Variants in STK35 observed in about 807,000 individuals in gnomAD.
The protein encoded by STK35 is serine/threonine-protein kinase 35.
STK35 carries 17 observed loss-of-function variants against 37.3 expected under a neutral mutation model. The ratio of observed to expected loss-of-function variants is 0.46; its 90% CI spans 0.31 to 0.68. The LOEUF (loss-of-function observed/expected upper bound fraction) is 0.68. Among genes scored for constraint, STK35 ranks in the 30% least tolerant of loss-of-function variants. The pLI is 0.05. For synonymous variants in STK35, 385 were observed against 319.1 expected, an observed-to-expected ratio of 1.21 and a Z score of -2.20; for missense variants, 595 against 746.7, an observed-to-expected ratio of 0.80 and a Z score of 2.37.
chr20:2,102,282 G>A (rs1985408265), intron 1 of STK35, 107 bp downstream of exon 1: 3 of 1,346,364 alleles, frequency 2.2e-6, no homozygotes, highest in African/African-American at 1.5e-5. Context: ...CGCACTCCGA[G>A]AAGCCGAACT....
intron 2 of STK35, among the ~76,000 whole-genome samples, chr20:2,104,890 C>T (rs547847268): frequency 6.6e-6 from 1 of 152,150 alleles, no homozygotes; most frequent in African/African-American, 2.4e-5. Flanking sequence ...CAATGGCTCA[C>T]GACTGTAATC....
intron 3 of STK35, among the ~76,000 whole-genome samples, chr20:2,127,337 C>T (rs748330228): frequency 6.6e-6 from 1 of 151,664 alleles, no homozygotes; most frequent in Non-Finnish European, 1.5e-5. Context: ...AAATCTAAGG[C>T]ATGGAGTTGG....
At chr20:2,119,896 A>G (rs1184309695) in intron 3 of STK35, among the ~76,000 whole-genome samples, 2 of 152,126 alleles carry the variant, frequency 1.3e-5, no homozygotes, top group African/African-American at 2.4e-5. Flanking sequence ...TAGTGTTCTC[A>G]GTGAATGTAT....
At chr20:2,105,539 T>A (rs1459209061) in intron 2 of STK35, among the ~76,000 whole-genome samples, 5 of 152,218 alleles carry the variant, frequency 3.3e-5, no homozygotes, top group Non-Finnish European at 7.3e-5. Context: ...ACCCTCTGGC[T>A]CATCCCAGGA....
rs1986252334 is a variant in STK35, at chr20:2,145,738, T to G, written c.*1992T>G. The G allele has an allele frequency of 6.6e-6, 1 of 152,106 alleles. No individual in the cohort carries two copies. Among genetic ancestry groups the G allele is most frequent in the African/African-American group, 2.4e-5 (1 of 41,370 alleles). The allele number at this position is 152,106 out of a possible 1,614,324, so 9.4% of individuals were successfully genotyped here. On this transcript the variant is annotated 3_prime_UTR_variant, in exon 4 of 4. Coordinates refer to ENST00000381482, the MANE Select transcript of STK35 (RefSeq NM_080836.4). ...GGGTGGGAACAGCAGCATCCCCTAA[T>G]TGCAGTACACGGTTCCTTTTCCGCC...
rs1171541550 is a variant in STK35, at chr20:2,146,548, A to G, written c.*2802A>G. 6.5e-6 allele frequency: 1 copy of G among 152,742 alleles called. No homozygotes were observed. The highest frequency in any genetic ancestry group is 1.5e-5 in the Non-Finnish European group (1 of 68,116). 9.5% of individuals were successfully genotyped at this position (152,742 alleles called of 1,614,324 possible). On this transcript the variant is annotated 3_prime_UTR_variant, in exon 4 of 4. Transcript: ENST00000381482. ...TGAACTTGGTTTTCCCGTCAGAAGA[A>G]TCAGCAGGACAGATCGTAGTGCCTT...
intron 3 of STK35, among the ~76,000 whole-genome samples, chr20:2,127,857 A>G (rs1250440638): frequency 6.6e-6 from 1 of 152,182 alleles, no homozygotes; most frequent in African/African-American, 2.4e-5. Flanking sequence ...TCTTGAGCCT[A>G]ATTATATGAA....
At chr20:2,142,602 A>G (rs1986190416) in intron 3 of STK35, among the ~76,000 whole-genome samples, 1 of 152,222 alleles carries the variant, frequency 6.6e-6, no homozygotes, top group African/African-American at 2.4e-5. Flanking sequence ...CTAAAAATAT[A>G]AAAATTAGCC....
intron 3 of STK35, among the ~76,000 whole-genome samples, chr20:2,125,081 C>T (rs528224781): frequency 5.1e-4 from 77 of 152,314 alleles, no homozygotes; most frequent in Non-Finnish European, 8.1e-4. Flanking sequence ...AGTTGCTGCT[C>T]ACATGTTCCT....
chr20:2,116,683 T>G lies in STK35; in HGVS notation c.910T>G (p.Tyr304Asp). 6.2e-7 allele frequency: 1 copy of G among 1,613,750 alleles called. No homozygotes were observed. The highest frequency in any genetic ancestry group is 8.5e-7 in the Non-Finnish European group (1 of 1,179,666). ...TGATTTAGGAGAAAGGATCCTGGGT[T>G]ATGCTGAGGAGCCCTGCTATCTCTG... ...TSLKGERILG[Y>D]AEEPCYLWFV... The change falls in exon 3 of 4, where the codon TAT (tyrosine) becomes GAT (aspartate). Residue 304 changes from tyrosine to aspartate, a missense_variant. Tyr to Asp is a radical substitution (Grantham distance 160). Coordinates refer to ENST00000381482, the MANE Select transcript of STK35 (RefSeq NM_080836.4).
intron 2 of STK35, among the ~76,000 whole-genome samples, chr20:2,107,553 A>G (rs953634549): frequency 6.6e-6 from 1 of 152,232 alleles, no homozygotes; most frequent in African/African-American, 2.4e-5. Context: ...ATGCAGGGTC[A>G]CAAGTGGTAG....
rs897581458 is a variant in STK35, at chr20:2,102,139, G to T, written c.258G>T (p.Gly86=). The part of the protein sequence containing the change: ...ADHPQAGAPG[G]KRAARKWRCA... ...ATCCCCAGGCAGGGGCTCCAGGGGG[G>T]AAACGGGCCGCCCGGAAGTGGAGGT... Residue 86 remains glycine, a synonymous_variant, in exon 1 of 4, where the codon GGG becomes GGT. Transcript: ENST00000381482. 6.5e-6 allele frequency: 9 copies of T among 1,391,946 alleles called. No homozygotes were observed. The highest frequency in any genetic ancestry group is 6.1e-5 in the African/African-American group (4 of 65,916). 86.2% of individuals were successfully genotyped at this position (1,391,946 alleles called of 1,614,324 possible). A position where few individuals can be genotyped will look rare whatever the true frequency, so the allele number is the denominator to read the frequency against.
chr20:2,132,773 T>C (rs1431951431), intron 3 of STK35, among the ~76,000 whole-genome samples: 4 of 152,234 alleles, frequency 2.6e-5, no homozygotes, highest in Non-Finnish European at 5.9e-5. Context: ...GTTGAACCTG[T>C]TGGACTGGTC....
rs1021007050 is a variant in STK35, at chr20:2,102,944, G to T, written c.471G>T (p.Pro157=). The T allele has an allele frequency of 2.0e-6, 3 of 1,499,982 alleles. No homozygotes were observed. In the African/African-American group the frequency reaches 4.3e-5, roughly 22 times the overall value. 92.9% of individuals were successfully genotyped at this position (1,499,982 alleles called of 1,614,324 possible). ...AGCGGAAAAGGCGAAGCCCAGTGCC[G>T]CGGGCGCCCAGCACGAAGCTGAGGC... ...SPERKRRSPV[P]RAPSTKLRPA... Residue 157 remains proline, a synonymous_variant, in exon 2 of 4, where the codon CCG becomes CCT. Coordinates refer to ENST00000381482, the MANE Select transcript of STK35 (RefSeq NM_080836.4).
chr20:2,115,829 C>T (rs1040311703), intron 2 of STK35, among the ~76,000 whole-genome samples: 2 of 152,180 alleles, frequency 1.3e-5, no homozygotes, highest in Non-Finnish European at 2.9e-5. Context: ...CACTGATCTA[C>T]TGCCTGCCTT....
intron 3 of STK35, among the ~76,000 whole-genome samples, chr20:2,141,383 T>C (rs1486646093): frequency 6.6e-6 from 1 of 152,084 alleles, no homozygotes; most frequent in Non-Finnish European, 1.5e-5. Context: ...TCTTTCCAGA[T>C]CAGCCACACC....
At chr20:2,131,719 C>T (rs769121485) in intron 3 of STK35, among the ~76,000 whole-genome samples, 11 of 152,014 alleles carry the variant, frequency 7.2e-5, no homozygotes, top group African/African-American at 1.7e-4. Context: ...TAACATTTAG[C>T]GTAAAACACA....
rs1048642191 is a variant in STK35 at position 2,111,291 on chromosome 20, T to C, written c.893-5375T>C. Among the ~76,000 whole-genome samples the C allele has an allele frequency of 3.9e-5, 6 of 152,228 alleles. No homozygotes were observed. The South Asian group carries it at 8.3e-4, about 21-fold the overall frequency. On this transcript the variant is annotated intron_variant, in intron 2 of 3. Coordinates refer to ENST00000381482, the MANE Select transcript of STK35 (RefSeq NM_080836.4). ...AGTTTAACGTCTCTGAAATCAGCGG[T>C]TGACTTAGTCAATGGTGTGCCCATA...
intron 3 of STK35, among the ~76,000 whole-genome samples, chr20:2,134,184 C>T (rs936366289): frequency 6.7e-6 from 1 of 148,972 alleles, no homozygotes; most frequent in African/African-American, 2.5e-5. Flanking sequence ...CGCTTGAACC[C>T]GGGAGGCAGA....
Sources: allele counts gnomAD v4.1 joint callset (sites outside exome capture counted in the v4.1 genomes callset), GRCh38; gene constraint gnomAD v4.1.1; transcripts MANE v1.5; gene names NCBI Gene and HGNC (gene_info 2026-07-23, HGNC 2026-07-21).